Variants in AGBL4 observed in about 807,000 individuals in gnomAD.
AGBL4 encodes the protein cytosolic carboxypeptidase 6.
AGBL4 carries 58 observed loss-of-function variants against 66.4 expected under a neutral mutation model. The ratio of observed to expected loss-of-function variants is 0.87; its 90% confidence interval spans 0.71 to 1.09. The LOEUF (loss-of-function observed/expected upper bound fraction) is 1.09, where lower values mean the gene tolerates loss of function less well. AGBL4 is among the 50% of genes least tolerant of loss of function. AGBL4 has a pLI of 0.00. For missense variants in AGBL4, 579 were observed against 631.0 expected, an observed-to-expected ratio of 0.92 and a Z score of 0.88; for synonymous variants, 234 against 222.9, an observed-to-expected ratio of 1.05 and a Z score of -0.44.
At chr1:49,000,465 C>T (rs1035178694) in intron 5 of AGBL4, among the ~76,000 whole-genome samples, 6 of 152,160 alleles carry the variant, frequency 3.9e-5, no homozygotes, top group Non-Finnish European at 8.8e-5. Flanking sequence ...TCCAGCATAC[C>T]TTGTAAATTC....
At chr1:48,593,739 A>G (rs888680450) in intron 9 of AGBL4, among the ~76,000 whole-genome samples, 1 of 152,182 alleles carries the variant, frequency 6.6e-6, no homozygotes. Flanking sequence ...CGACAGTGCG[A>G]GACTCCGTCT....
intron 3 of AGBL4, among the ~76,000 whole-genome samples, chr1:49,657,638 T>C (rs1374634427): frequency 3.3e-5 from 5 of 152,148 alleles, no homozygotes; most frequent in Non-Finnish European, 5.9e-5. Flanking sequence ...CAAAACAGCA[T>C]GGTACTGGTA....
chr1:49,843,104 A>T (rs565571973), intron 2 of AGBL4, among the ~76,000 whole-genome samples: 1 of 152,120 alleles, frequency 6.6e-6, no homozygotes, highest in Admixed American at 6.5e-5. Context: ...GGAATGGCCA[A>T]TGTGGGAGAG....
At chr1:49,063,480 T>C (rs920037614) in intron 4 of AGBL4, among the ~76,000 whole-genome samples, 1 of 152,218 alleles carries the variant, frequency 6.6e-6, no homozygotes, top group Admixed American at 6.5e-5. Context: ...CACTGGAGTT[T>C]AGAAGCAGAG....
intron 3 of AGBL4, among the ~76,000 whole-genome samples, chr1:49,642,231 T>C (rs1377438942): frequency 2.0e-5 from 3 of 151,990 alleles, no homozygotes; most frequent in African/African-American, 7.2e-5. Flanking sequence ...ATTTTTACCT[T>C]CCTGCATGAA....
intron 6 of AGBL4, among the ~76,000 whole-genome samples, chr1:48,771,242 G>C (rs1036352613): frequency 6.6e-6 from 1 of 152,114 alleles, no homozygotes; most frequent in Non-Finnish European, 1.5e-5. Context: ...CACAACTTCT[G>C]TCCCTAAGGA....
chr1:49,696,738 T>C (rs1646993621), intron 3 of AGBL4, among the ~76,000 whole-genome samples: 1 of 152,054 alleles, frequency 6.6e-6, no homozygotes, highest in Non-Finnish European at 1.5e-5. Context: ...ATACTCAACT[T>C]GTAAAAGCAA....
At chr1:49,960,807 A>C (rs186597541) in intron 1 of AGBL4, among the ~76,000 whole-genome samples, 1 of 152,120 alleles carries the variant, frequency 6.6e-6, no homozygotes, top group East Asian at 1.9e-4. Context: ...CATGTAGCTC[A>C]TAAGTAGGTT....
intron 3 of AGBL4, among the ~76,000 whole-genome samples, chr1:49,515,188 C>A (rs1359512420): frequency 6.6e-6 from 1 of 151,960 alleles, no homozygotes; most frequent in Non-Finnish European, 1.5e-5. Context: ...AAGAAATTTA[C>A]AAGAAGAAAA....
At chr1:49,465,217 AC>A in intron 3 of AGBL4, among the ~76,000 whole-genome samples, 1 of 102,188 alleles carries the variant, frequency 9.8e-6, no homozygotes, top group African/African-American at 4.4e-5. Flanking sequence ...ACATACACAC[AC>A]ACACACACAC....
intron 2 of AGBL4, among the ~76,000 whole-genome samples, chr1:49,749,763 A>G (rs1400418366): frequency 6.6e-6 from 1 of 152,178 alleles, no homozygotes; most frequent in East Asian, 1.9e-4. Flanking sequence ...AGAATACTTT[A>G]AAATGGTAGT....
chr1:49,813,240 T>C (rs1482551307), intron 2 of AGBL4, among the ~76,000 whole-genome samples: 2 of 152,110 alleles, frequency 1.3e-5, no homozygotes, highest in African/African-American at 4.8e-5. Context: ...ATACCACTAG[T>C]AGGCAGAGGC....
intron 4 of AGBL4, among the ~76,000 whole-genome samples, chr1:49,116,367 C>T (rs1026639148): frequency 1.3e-5 from 2 of 152,206 alleles, no homozygotes; most frequent in African/African-American, 4.8e-5. Context: ...TATCCCTCCT[C>T]CATATCCCCA....
At chr1:49,178,172 T>G (rs907690209) in intron 4 of AGBL4, among the ~76,000 whole-genome samples, 2 of 152,174 alleles carry the variant, frequency 1.3e-5, no homozygotes, top group African/African-American at 4.8e-5. Flanking sequence ...TTTGTGACTT[T>G]GAGCAAATGA....
chr1:49,313,095 A>G (rs1225403873), intron 3 of AGBL4, among the ~76,000 whole-genome samples: 1 of 151,416 alleles, frequency 6.6e-6, no homozygotes, highest in Admixed American at 6.6e-5. Flanking sequence ...TCATTGTTCA[A>G]CTCCCATTTA....
intron 4 of AGBL4, among the ~76,000 whole-genome samples, chr1:49,145,169 A>C (rs1457423579): frequency 2.6e-5 from 4 of 152,200 alleles, no homozygotes; most frequent in Non-Finnish European, 4.4e-5. Context: ...ATAAGATTTA[A>C]AATTTGAGAC....
At chr1:48,745,466 G>C (rs1006568022) in intron 6 of AGBL4, among the ~76,000 whole-genome samples, 2 of 152,278 alleles carry the variant, frequency 1.3e-5, no homozygotes, top group African/African-American at 2.4e-5. Context: ...GGGGTTGAAA[G>C]AGTCACCTCT....
chr1:49,077,614 G>A (rs1644735385), intron 4 of AGBL4, among the ~76,000 whole-genome samples: 1 of 152,098 alleles, frequency 6.6e-6, no homozygotes, highest in East Asian at 1.9e-4. Flanking sequence ...CACAAAGTTA[G>A]TTTCAGAAAC....
chr1:48,609,654 C>G (rs1036290269), intron 9 of AGBL4, among the ~76,000 whole-genome samples: 1 of 152,198 alleles, frequency 6.6e-6, no homozygotes, highest in African/African-American at 2.4e-5. Flanking sequence ...AACTCCTAGC[C>G]TCAAGAGATC....
Sources: allele counts gnomAD v4.1 joint callset (sites outside exome capture counted in the v4.1 genomes callset), GRCh38; gene constraint gnomAD v4.1.1; transcripts MANE v1.5; gene names NCBI Gene and HGNC (gene_info 2026-07-23, HGNC 2026-07-21).